HIP1: variants seen among roughly 807,000 people sequenced by gnomAD.
HIP1 encodes the protein huntingtin-interacting protein 1.
In HIP1, 65 loss-of-function variants were observed where a neutral mutation model predicts 147.6. That is an observed-to-expected ratio of 0.44 (90% CI 0.36 to 0.54). HIP1 has a LOEUF of 0.54. Ranked by LOEUF, HIP1 falls within the 20% of genes least tolerant of loss-of-function variation. The probability of loss-of-function intolerance (pLI) is 0.00; values close to 1 mark genes in which losing one functional copy is unlikely to be tolerated. For missense variants in HIP1, 1,061 were observed against 1,299.6 expected, an observed-to-expected ratio of 0.82 and a Z score of 2.82; for synonymous variants, 479 against 504.0, an observed-to-expected ratio of 0.95 and a Z score of 0.67.
At chr7:75,548,307 G>A (rs1446692383) in intron 23 of HIP1, among the ~76,000 whole-genome samples, 3 of 151,588 alleles carry the variant, frequency 2.0e-5, no homozygotes, top group South Asian at 4.2e-4. Flanking sequence ...GAATACAGGC[G>A]TGAGCCACCA....
chr7:75,670,046 C>T (rs1799687459), intron 1 of HIP1, among the ~76,000 whole-genome samples: 1 of 152,210 alleles, frequency 6.6e-6, no homozygotes, highest in Admixed American at 6.5e-5. Flanking sequence ...GGTGATCCAC[C>T]TGCCTCAGCC....
At chr7:75,566,270 C>T (rs1795397924) in intron 9 of HIP1, among the ~76,000 whole-genome samples, 1 of 151,162 alleles carries the variant, frequency 6.6e-6, no homozygotes, top group African/African-American at 2.5e-5. Context: ...GATCTGCCCA[C>T]CTCGGCCTCC....
At chr7:75,542,071 G>A (rs994991645) in intron 28 of HIP1, 91 bp from the exon 29 acceptor site, 9 of 1,019,912 alleles carry the variant, frequency 8.8e-6, no homozygotes, top group African/African-American at 6.3e-5. Flanking sequence ...CTGTGGAAAC[G>A]CCTGGCTTGC....
intron 1 of HIP1, among the ~76,000 whole-genome samples, chr7:75,642,176 A>G (rs1175482850): frequency 6.6e-6 from 1 of 152,110 alleles, no homozygotes; most frequent in Non-Finnish European, 1.5e-5. Context: ...AGGTGGGAGG[A>G]TTGCTTGAGG....
chr7:75,546,913 T>G, intron 25 of HIP1, 26 bp downstream of exon 25: 1 of 1,513,988 alleles, frequency 6.6e-7, no homozygotes, highest in East Asian at 2.4e-5. Context: ...CTCCTCTTCC[T>G]GCCCAGGGCC....
chr7:75,671,032 T>TATGTGAC (rs1799716526), intron 1 of HIP1, among the ~76,000 whole-genome samples: 2 of 152,146 alleles, frequency 1.3e-5, no homozygotes, highest in African/African-American at 2.4e-5. Context: ...CTTATTGCAC[T>TATGTGAC]TAGCATAATG....
At chr7:75,644,923 C>G (rs987016778) in intron 1 of HIP1, among the ~76,000 whole-genome samples, 1 of 152,216 alleles carries the variant, frequency 6.6e-6, no homozygotes, top group African/African-American at 2.4e-5. Flanking sequence ...TTCAACAAAT[C>G]CAGGAACCTT....
intron 28 of HIP1, among the ~76,000 whole-genome samples, chr7:75,542,528 G>A (rs1469651484): frequency 1.3e-5 from 2 of 151,846 alleles, no homozygotes; most frequent in African/African-American, 2.4e-5. Flanking sequence ...GTGAAACCCC[G>A]TCTCTACTAA....
rs553398749 is a variant in HIP1, at chr7:75,734,753, G to A, written c.120+4048C>T. Among the ~76,000 whole-genome samples the A allele has an allele frequency of 2.0e-5, 3 of 152,238 alleles. No individual in the cohort carries two copies. The East Asian group carries it at 5.8e-4, about 29-fold the overall frequency. On this transcript the variant is annotated intron_variant, in intron 1 of 30. Transcript: ENST00000336926. ...CAATGAGTCTCCACTGCACCCGCTG[G>A]GAAGTTTATCTGCCTAGTCTAGATG...
intron 19 of HIP1, 30 bp downstream of exon 19, chr7:75,555,386 C>A (rs1794957912): frequency 6.2e-7 from 1 of 1,612,028 alleles, no homozygotes; most frequent in East Asian, 2.2e-5. Flanking sequence ...AAGGACCTGG[C>A]CCCTGCCAGC....
At position 75,534,326 on chromosome 7, in the gene HIP1, T is replaced by C. The variant is rs1351741712; in HGVS notation, c.*3846A>G. The C allele has an allele frequency of 5.9e-5, 13 of 221,590 alleles. No individual in the cohort carries two copies. In the East Asian group the frequency reaches 8.5e-4, roughly 15 times the overall value. 13.7% of individuals were successfully genotyped at this position (221,590 alleles called of 1,614,324 possible). A position where few individuals can be genotyped will look rare whatever the true frequency, so the allele number is the denominator to read the frequency against. ...TGGTGGGATTTTAGGGGTACTGCTA[T>C]GGACGGCTGCATCAGCAGACAATCT... On this transcript the variant is annotated 3_prime_UTR_variant, in exon 31 of 31. Transcript: ENST00000336926.
chr7:75,620,361 G>A (rs1797804295), intron 1 of HIP1, among the ~76,000 whole-genome samples: 1 of 145,610 alleles, frequency 6.9e-6, no homozygotes, highest in Admixed American at 7.1e-5. Flanking sequence ...ACACCAGCCT[G>A]GGCAACAGAG....
chr7:75,685,594 G>A (rs576884035), intron 1 of HIP1, among the ~76,000 whole-genome samples: 4 of 152,340 alleles, frequency 2.6e-5, no homozygotes, highest in South Asian at 4.1e-4. Context: ...TGTCGCCCAG[G>A]CTGGAGTGCA....
At chr7:75,726,377 G>A (rs531580034) in intron 1 of HIP1, among the ~76,000 whole-genome samples, 6 of 151,500 alleles carry the variant, frequency 4.0e-5, no homozygotes, top group African/African-American at 7.3e-5. Context: ...TCTGCCTCCC[G>A]GGTTCAAGCG....
At chr7:75,735,755 A>G (rs1479888092) in intron 1 of HIP1, among the ~76,000 whole-genome samples, 1 of 151,456 alleles carries the variant, frequency 6.6e-6, no homozygotes, top group Non-Finnish European at 1.5e-5. Context: ...CAGTGGCACA[A>G]TCTTTGCTCA....
intron 1 of HIP1, among the ~76,000 whole-genome samples, chr7:75,655,316 C>T (rs1232715262): frequency 3.3e-5 from 5 of 152,102 alleles, no homozygotes; most frequent in African/African-American, 7.2e-5. Flanking sequence ...CGGTGGCTCA[C>T]GCCTGTAATC....
chr7:75,663,936 A>G (rs2178634), intron 1 of HIP1, among the ~76,000 whole-genome samples: 20 of 25,148 alleles, frequency 8.0e-4, no homozygotes, highest in African/African-American at 1.7e-3. Flanking sequence ...GTATGTGTGT[A>G]TATATATATA....
intron 7 of HIP1, among the ~76,000 whole-genome samples, chr7:75,576,792 T>C (rs915186715): frequency 2.6e-5 from 4 of 152,208 alleles, no homozygotes; most frequent in East Asian, 1.9e-4. Flanking sequence ...AGCTCAGTGG[T>C]TGTCAAGTTT....
intron 28 of HIP1, among the ~76,000 whole-genome samples, chr7:75,542,631 G>A (rs149684684): frequency 0.019 from 2,823 of 152,160 alleles, 178 homozygotes; most frequent in East Asian, 0.17. Context: ...CCAGGGAGGT[G>A]GAGGTTGCAG....
Sources: gnomAD v4.1 joint callset for allele counts (sites outside exome capture counted in the v4.1 genomes callset) on GRCh38, gnomAD v4.1.1 for gene constraint, MANE v1.5 for transcripts, NCBI Gene and HGNC (gene_info 2026-07-23, HGNC 2026-07-21) for gene names.